Variants in ABCC6 observed in about 807,000 individuals in gnomAD.
The protein encoded by ABCC6 is ATP binding cassette subfamily C member 6.
In ABCC6, 126 loss-of-function variants were observed where a neutral mutation model predicts 169.5. The ratio of observed to expected loss-of-function variants is 0.74; its 90% CI spans 0.64 to 0.86. The LOEUF (loss-of-function observed/expected upper bound fraction) is 0.86. Ranked by LOEUF, ABCC6 falls within the 40% of genes least tolerant of loss-of-function variation. The pLI is 0.00. For synonymous variants in ABCC6, 752 were observed against 814.7 expected (o/e 0.92, Z 1.31); for missense variants, 1,733 against 1,927.2 (o/e 0.90, Z 1.89).
chr16:16,194,017 G>A (rs948001277), intron 10 of ABCC6, among the ~76,000 whole-genome samples: 3 of 152,210 alleles, frequency 2.0e-5, no homozygotes, highest in Non-Finnish European at 2.9e-5. Flanking sequence ...TAGGGAGAGA[G>A]TTATATTCAA....
At chr16:16,208,287 C>T (rs1279908515) in intron 7 of ABCC6, among the ~76,000 whole-genome samples, 5 of 152,154 alleles carry the variant, frequency 3.3e-5, no homozygotes, top group East Asian at 1.9e-4. Context: ...GGTGGGGAGG[C>T]GGCAGTGCCG....
At chr16:16,192,975 G>C in intron 10 of ABCC6, 53 bp from the exon 11 acceptor site, 1 of 1,503,852 alleles carries the variant, frequency 6.6e-7, no homozygotes, top group South Asian at 1.1e-5. Context: ...CCAGCTCTCA[G>C]AGGCACGTGA....
At chr16:16,161,681 G>A in intron 24 of ABCC6, 117 bp from the exon 25 acceptor site, 1 of 1,355,620 alleles carries the variant, frequency 7.4e-7, no homozygotes, top group Non-Finnish European at 1.0e-6. Context: ...CCCAGCAATG[G>A]CCTCCACATG....
chr16:16,164,843 TCA>T (rs1342731083), intron 23 of ABCC6, among the ~76,000 whole-genome samples: 4 of 152,160 alleles, frequency 2.6e-5, no homozygotes, highest in African/African-American at 9.7e-5. Context: ...GGTCCTGGGG[TCA>T]CACTTTGAGA....
At chr16:16,194,352 C>T (rs566244728) in intron 10 of ABCC6, among the ~76,000 whole-genome samples, 8 of 152,362 alleles carry the variant, frequency 5.3e-5, no homozygotes, top group East Asian at 1.9e-4. Flanking sequence ...AGGTTTTAGT[C>T]TAAGTCTCGT....
At chr16:16,180,794 C>A (rs919760192) in intron 17 of ABCC6, among the ~76,000 whole-genome samples, 1 of 152,114 alleles carries the variant, frequency 6.6e-6, no homozygotes, top group Non-Finnish European at 1.5e-5. Context: ...CCCAGCCATT[C>A]ATTCATTCTT....
chr16:16,206,190 C>G (rs1195557735), intron 7 of ABCC6, among the ~76,000 whole-genome samples: 1 of 152,198 alleles, frequency 6.6e-6, no homozygotes, highest in African/African-American at 2.4e-5. Context: ...CACCTCCCAT[C>G]AAGGAAGATG....
chr16:16,198,736 A>G (rs11644711), intron 9 of ABCC6, among the ~76,000 whole-genome samples: 48,377 of 143,246 alleles, frequency 0.34, 9,043 homozygotes, highest in Admixed American at 0.41. Flanking sequence ...CCTCACGTCT[A>G]TAATCCCAGC....
At chr16:16,197,927 G>A (rs2048104117) in intron 10 of ABCC6, 94 bp downstream of exon 10, 1 of 1,400,290 alleles carries the variant, frequency 7.1e-7, no homozygotes, top group Non-Finnish European at 9.8e-7. Flanking sequence ...TGAATGCTAA[G>A]TCAGGAGGAG....
chr16:16,152,044 T>C (rs998330451), intron 29 of ABCC6, among the ~76,000 whole-genome samples: 1 of 151,344 alleles, frequency 6.6e-6, no homozygotes, highest in Admixed American at 6.6e-5. Context: ...TACAAAAAAT[T>C]AGCCGGGCGT....
chr16:16,178,242 G>T (rs2047348731), intron 18 of ABCC6, among the ~76,000 whole-genome samples: 2 of 152,004 alleles, frequency 1.3e-5, no homozygotes, highest in Non-Finnish European at 2.9e-5. Flanking sequence ...CAGGAGAATG[G>T]CGTGAACCCG....
intron 8 of ABCC6, 110 bp downstream of exon 8, chr16:16,203,300 C>T (rs1298369736): frequency 3.1e-5 from 48 of 1,541,060 alleles, no homozygotes; most frequent in South Asian, 4.7e-5. Context: ...TCCAGTGTCC[C>T]GAGCACCAGA....
At chr16:16,206,500 G>T (rs4284662) in intron 7 of ABCC6, among the ~76,000 whole-genome samples, 2,538 of 147,284 alleles carry the variant, frequency 0.017, 40 homozygotes, top group African/African-American at 0.023. Context: ...GAAGCCGACT[G>T]GACCAGCAGG....
chr16:16,201,332 G>T (rs1259989870), intron 9 of ABCC6, among the ~76,000 whole-genome samples: 1 of 152,168 alleles, frequency 6.6e-6, no homozygotes, highest in African/African-American at 2.4e-5. Context: ...CTTATCAGAA[G>T]GTTAATCCTT....
intron 23 of ABCC6, among the ~76,000 whole-genome samples, chr16:16,164,709 A>G (rs2046824311): frequency 6.6e-6 from 1 of 152,214 alleles, no homozygotes; most frequent in Non-Finnish European, 1.5e-5. Context: ...GTACATCAGA[A>G]TTACTTGGAG....
rs1254477620 is a variant in ABCC6, at chr16:16,190,346, CCTT to C, written c.1450_1452del (p.Lys484del). 6.2e-7 allele frequency: 1 copy of C among 1,614,172 alleles called. No homozygotes were observed. The highest frequency in any genetic ancestry group is 8.5e-7 in the Non-Finnish European group (1 of 1,180,048). On this transcript the variant is annotated inframe_deletion, in exon 12 of 31. Transcript: ENST00000205557. Reference sequence around the variant, plus strand: ...GAGCTGGTGAGCCGTGCCCGTGAGTCCTTCTGCCTCATTTGCTCCTCCTGGGAT... The same window carrying C: ...GAGCTGGTGAGCCGTGCCCGTGAGTCCTGCCTCATTTGCTCCTCCTGGGAT...
In ABCC6 at chr16:16,154,591, C is replaced by T. The variant is rs768115549; in HGVS notation, c.4208+37G>A. The T allele has an allele frequency of 3.7e-6, 6 of 1,610,896 alleles. No individual in the cohort carries two copies. In the East Asian group the frequency reaches 1.3e-4, roughly 36 times the overall value. On this transcript the variant is annotated intron_variant, in intron 29 of 30. Transcript: ENST00000205557. ...GAGGGCATGGCCATCCCCTCCTCTC[C>T]CACCTGCAGGTCCCAGCCATGGTGG...
intron 27 of ABCC6, among the ~76,000 whole-genome samples, chr16:16,156,010 G>C (rs947954277): frequency 6.6e-6 from 1 of 152,190 alleles, no homozygotes; most frequent in Admixed American, 6.5e-5. Context: ...CCACCTCCCA[G>C]GTTCAAGCAA....
chr16:16,189,214 C>T (rs2238469), intron 12 of ABCC6, among the ~76,000 whole-genome samples: 27,018 of 152,190 alleles, frequency 0.18, 2,549 homozygotes, highest in African/African-American at 0.24. Context: ...CGCAGCCCCA[C>T]GGCTCTAGGC....
Sources: allele counts gnomAD v4.1 joint callset (sites outside exome capture counted in the v4.1 genomes callset), GRCh38; gene constraint gnomAD v4.1.1; transcripts MANE v1.5; gene names NCBI Gene and HGNC (gene_info 2026-07-23, HGNC 2026-07-21).